The following PDE3B variants were observed in gnomAD, a reference collection of about 807,000 sequenced individuals.
PDE3B encodes phosphodiesterase 3B, also known as cGMP-inhibited 3',5'-cyclic phosphodiesterase 3B.
PDE3B carries 66 observed loss-of-function variants against 116.8 expected under a neutral mutation model. The observed-to-expected ratio is 0.56, with a 90% CI of 0.46 to 0.69. The LOEUF (loss-of-function observed/expected upper bound fraction) is 0.69. Ranked by LOEUF, PDE3B falls within the 30% of genes least tolerant of loss-of-function variation. PDE3B has a pLI of 0.00. For missense variants in PDE3B, 1,384 were observed against 1,368.1 expected, an observed-to-expected ratio of 1.01 and a Z score of -0.18; for synonymous variants, 595 against 533.6, an observed-to-expected ratio of 1.12 and a Z score of -1.59.
intron 1 of PDE3B, among the ~76,000 whole-genome samples, chr11:14,758,900 G>T (rs1205014823): frequency 6.6e-6 from 1 of 151,856 alleles, no homozygotes; most frequent in East Asian, 1.9e-4. Context: ...TATTGGCTGT[G>T]GGTTTCTCAT....
intron 1 of PDE3B, among the ~76,000 whole-genome samples, chr11:14,719,078 G>A (rs1431384951): frequency 1.2e-5 from 1 of 80,126 alleles, no homozygotes; most frequent in South Asian, 5.1e-4. Flanking sequence ...AATAAAAAAT[G>A]ATAAAGGGGA....
At chr11:14,697,616 AAAACTT>A (rs1329257414) in intron 1 of PDE3B, among the ~76,000 whole-genome samples, 4 of 152,150 alleles carry the variant, frequency 2.6e-5, no homozygotes, top group African/African-American at 9.7e-5. Flanking sequence ...TTTCCACAAA[AAAACTT>A]AATGGAATTT....
intron 2 of PDE3B, among the ~76,000 whole-genome samples, chr11:14,785,216 G>A (rs926546847): frequency 6.6e-6 from 1 of 152,100 alleles, no homozygotes; most frequent in African/African-American, 2.4e-5. Context: ...CAGATTATGG[G>A]AAGCTGTGTA....
At chr11:14,879,776 G>A in the PDE3B span, among the ~76,000 whole-genome samples, 7 of 152,098 alleles carry the variant, frequency 4.6e-5, no homozygotes, top group East Asian at 1.3e-3. Flanking sequence ...TATTGTGAAA[G>A]ACATAAGTAA....
At chr11:14,725,291 T>TTTC (rs2133847579) in intron 1 of PDE3B, among the ~76,000 whole-genome samples, 2 of 127,860 alleles carry the variant, frequency 1.6e-5, no homozygotes, top group African/African-American at 5.7e-5. Context: ...TTCTTTCTTT[T>TTTC]TCTTTCTTTC....
chr11:14,658,559 G>A (rs1853788401), intron 1 of PDE3B, among the ~76,000 whole-genome samples: 1 of 152,156 alleles, frequency 6.6e-6, no homozygotes, highest in African/African-American at 2.4e-5. Flanking sequence ...GTTTTGCCAT[G>A]TTGGCCAGGC....
chr11:14,884,544 A>C, the PDE3B span, among the ~76,000 whole-genome samples: 1 of 77,814 alleles, frequency 1.3e-5, no homozygotes, highest in South Asian at 5.4e-4. Flanking sequence ...GGGTGGGGGG[A>C]GGGGGAGGGA....
intron 1 of PDE3B, among the ~76,000 whole-genome samples, chr11:14,722,005 C>T (rs894167640): frequency 1.3e-5 from 2 of 151,202 alleles, no homozygotes; most frequent in Non-Finnish European, 2.9e-5. Flanking sequence ...AGTTCATGTC[C>T]TTTGTAGGGA....
intron 1 of PDE3B, among the ~76,000 whole-genome samples, chr11:14,712,870 T>C (rs148793148): frequency 6.6e-6 from 1 of 152,352 alleles, no homozygotes; most frequent in Non-Finnish European, 1.5e-5. Flanking sequence ...CAAATCCTCC[T>C]ACTGATGTCA....
In PDE3B at chr11:14,677,654, A is replaced by G. The variant is rs985038679; in HGVS notation, c.978+32601A>G. 2.6e-5 allele frequency among the ~76,000 whole-genome samples: 4 copies of G among 152,260 alleles called. No homozygotes were observed. In the South Asian group the frequency reaches 8.3e-4, roughly 32 times the overall value. On this transcript the variant is annotated intron_variant, in intron 1 of 15. Coordinates refer to ENST00000282096, the MANE Select transcript of PDE3B (RefSeq NM_000922.4). ...ATTCAGGACATAGAGTTGTCCCATT[A>G]CTTCCAGAAGTTCCCTTGTGCTTTC...
chr11:14,799,824 T>C (rs970711723), intron 4 of PDE3B, among the ~76,000 whole-genome samples: 3 of 151,082 alleles, frequency 2.0e-5, no homozygotes, highest in African/African-American at 4.9e-5. Flanking sequence ...ATTTTGAGCC[T>C]GATGTGTCTT....
At chr11:14,754,142 T>C (rs914917441) in intron 1 of PDE3B, among the ~76,000 whole-genome samples, 1 of 152,056 alleles carries the variant, frequency 6.6e-6, no homozygotes, top group Non-Finnish European at 1.5e-5. Flanking sequence ...TTTCATGGCA[T>C]AGAGGGAGAA....
intron 1 of PDE3B, among the ~76,000 whole-genome samples, chr11:14,663,362 T>A (rs1273370617): frequency 6.6e-6 from 1 of 152,074 alleles, no homozygotes; most frequent in Non-Finnish European, 1.5e-5. Context: ...TCATGCCAAA[T>A]TGTAAAGACC....
intron 1 of PDE3B, among the ~76,000 whole-genome samples, chr11:14,767,839 T>C (rs2133894089): frequency 6.6e-6 from 1 of 151,528 alleles, no homozygotes; most frequent in East Asian, 1.9e-4. Context: ...TGATAAATAA[T>C]GGCTAATATT....
chr11:14,806,489 G>A (rs1858929284), intron 5 of PDE3B, among the ~76,000 whole-genome samples: 2 of 151,424 alleles, frequency 1.3e-5, no homozygotes, highest in African/African-American at 4.8e-5. Flanking sequence ...ACATGCACAC[G>A]TATGTTTATT....
intron 1 of PDE3B, among the ~76,000 whole-genome samples, chr11:14,649,774 T>C (rs1853515645): frequency 6.6e-6 from 1 of 152,246 alleles, no homozygotes; most frequent in South Asian, 2.1e-4. Flanking sequence ...ATTTTATATG[T>C]TGAAGACAGA....
At chr11:14,809,892 ATT>A (rs71044025) in intron 5 of PDE3B, among the ~76,000 whole-genome samples, 2 of 148,442 alleles carry the variant, frequency 1.3e-5, no homozygotes, top group Non-Finnish European at 1.5e-5. Flanking sequence ...AGACTAAAGT[ATT>A]TTTTTTTTTT....
chr11:14,650,401 T>A (rs142916908), intron 1 of PDE3B, among the ~76,000 whole-genome samples: 65 of 152,182 alleles, frequency 4.3e-4, no homozygotes, highest in Middle Eastern at 3.4e-3. Flanking sequence ...GAGAAGGGGT[T>A]TCGCTGTGTT....
rs1314408799 is a variant in PDE3B at position 14,871,014 on chromosome 11, G to A, written c.*1354G>A. On this transcript the variant is annotated 3_prime_UTR_variant, in exon 16 of 16. Transcript: ENST00000282096. Reference sequence around the variant, plus strand: ...CAGCCAAAATGATGGCAAAATGGTAGGCTAATATTTTCTATTATTATTGGA... The same window carrying A: ...CAGCCAAAATGATGGCAAAATGGTAAGCTAATATTTTCTATTATTATTGGA... 2 of 152,072 alleles carry A rather than the reference G, an allele frequency of 1.3e-5. No homozygotes were observed. Among genetic ancestry groups the A allele is most frequent in the African/African-American group, 4.8e-5 (2 of 41,394 alleles). 9.4% of individuals were successfully genotyped at this position (152,072 alleles called of 1,614,324 possible).
Sources: allele counts gnomAD v4.1 joint callset (sites outside exome capture counted in the v4.1 genomes callset), GRCh38; gene constraint gnomAD v4.1.1; transcripts MANE v1.5; gene names NCBI Gene and HGNC (gene_info 2026-07-23, HGNC 2026-07-21).